Variants in PCDHGA5 observed in about 807,000 individuals in gnomAD.
The protein encoded by PCDHGA5 is protocadherin gamma subfamily A, 5.
In PCDHGA5, 36 loss-of-function variants were observed where a neutral mutation model predicts 56.7. The observed-to-expected ratio is 0.64, with a 90% confidence interval of 0.49 to 0.84. The LOEUF (loss-of-function observed/expected upper bound fraction) is 0.84, where lower values mean the gene tolerates loss of function less well. Among genes scored for constraint, PCDHGA5 ranks in the 40% least tolerant of loss-of-function variants. The pLI is 0.00. For synonymous variants in PCDHGA5, 563 were observed against 520.2 expected (o/e 1.08, Z -1.12); for missense variants, 1,305 against 1,201.5 (o/e 1.09, Z -1.27).
intron 1 of PCDHGA5, chr5:141,478,899 T>A (rs905349011): frequency 9.7e-7 from 1 of 1,027,124 alleles, no homozygotes; most frequent in African/African-American, 1.6e-5. Context: ...ACATTAGGAA[T>A]AAGCTGCTGG....
rs1264878386 is a variant in PCDHGA5 at position 141,366,663 on chromosome 5, C to T, written c.2333C>T (p.Thr778Met). ...TTTCCCCAGCCCAACTACGCAGACA[C>T]GCTCCTTAGTGAAGAGAGCTGTGAG... ...LIFPQPNYADTLLSEESCEKS... is the reference protein window; with the variant it reads ...LIFPQPNYADMLLSEESCEKS... Residue 778 changes from threonine to methionine, a missense_variant, in exon 1 of 4, where the codon ACG (threonine) becomes ATG (methionine). Coordinates refer to ENST00000518069, the MANE Select transcript of PCDHGA5 (RefSeq NM_018918.3). The T allele has an allele frequency of 1.9e-6, 3 of 1,614,242 alleles. No individual in the cohort carries two copies. Among genetic ancestry groups the T allele is most frequent in the Non-Finnish European group, 2.5e-6 (3 of 1,180,042 alleles).
At chr5:141,504,511 CTCTGATAT>C (rs2099838890) in intron 2 of PCDHGA5, among the ~76,000 whole-genome samples, 1 of 151,902 alleles carries the variant, frequency 6.6e-6, no homozygotes, top group Non-Finnish European at 1.5e-5. Flanking sequence ...AGTGGATCTC[CTCTGATAT>C]ATTTTATTCG....
Position 141,432,503 on chromosome 5 carries a change from G to A in PCDHGA5, c.2422-62304G>A, listed in dbSNP as rs939325676. On this transcript the variant is annotated intron_variant, in intron 1 of 3. Transcript: ENST00000518069. This position sits in a 1 kb window ranked among gnomAD's most constrained non-coding sequence, Gnocchi z 6.0. ...TGGCGTGGAGCTGGCTCCCCGCTCC[G>A]CAGAGCCCGGCTACCTGGTGACCAA... 5 of 1,613,988 alleles carry A rather than the reference G, an allele frequency of 3.1e-6. No individual in the cohort carries two copies. Among genetic ancestry groups the A allele is most frequent in the Non-Finnish European group, 2.5e-6 (3 of 1,180,038 alleles).
chr5:141,428,176 A>G (rs751446929), intron 1 of PCDHGA5: 21 of 1,507,402 alleles, frequency 1.4e-5, no homozygotes, highest in Non-Finnish European at 1.9e-5. Context: ...TGCGTGACGG[A>G]GGACAGCCGC....
rs1053018756 is a variant in PCDHGA5, at chr5:141,497,630, G to T, written c.2480+2765G>T. ...TCTTGGCTCACTGCAACCTCTGCCT[G>T]CCAGGTTCAAGCGATTCTCCTGCCT... is the stretch of plus-strand genomic sequence containing the variant. On this transcript the variant is annotated intron_variant, in intron 2 of 3. Coordinates refer to ENST00000518069, the MANE Select transcript of PCDHGA5 (RefSeq NM_018918.3). 3.3e-5 allele frequency among the ~76,000 whole-genome samples: 5 copies of T among 150,256 alleles called. No homozygotes were observed. The Admixed American group carries it at 3.3e-4, about 10-fold the overall frequency.
chr5:141,393,073 C>T, intron 1 of PCDHGA5: 1 of 1,613,658 alleles, frequency 6.2e-7, no homozygotes. Context: ...TTGATCACCG[C>T]GGGCAGGATA....
intron 1 of PCDHGA5, among the ~76,000 whole-genome samples, chr5:141,458,339 T>A (rs1380637284): frequency 2.0e-5 from 3 of 150,846 alleles, no homozygotes; most frequent in Non-Finnish European, 3.0e-5. Context: ...TTTTAAGGAG[T>A]GGAGAGTTTA....
rs374200575 is a variant in PCDHGA5, at chr5:141,432,105, C to T, written c.2422-62702C>T. On this transcript the variant is annotated intron_variant, in intron 1 of 3. Transcript: ENST00000518069. The surrounding 1 kb of genome is among the most constrained non-coding windows in gnomAD (Gnocchi z 6.0). ...AACGTGGCAGACACCAACGACAACC[C>T]GCCGGTCTTCCCTCAGGCCTCCTAT... 1.9e-6 allele frequency: 3 copies of T among 1,614,172 alleles called. No homozygotes were observed. Among genetic ancestry groups the T allele is most frequent in the Admixed American group, 3.3e-5 (2 of 60,032 alleles).
chr5:141,397,172 G>C (rs1407642752), intron 1 of PCDHGA5, among the ~76,000 whole-genome samples: 3 of 152,128 alleles, frequency 2.0e-5, no homozygotes, highest in Non-Finnish European at 2.9e-5. Flanking sequence ...TAACTCTTAA[G>C]AATGAATTTA....
chr5:141,439,333 G>A (rs964224344), intron 1 of PCDHGA5, among the ~76,000 whole-genome samples: 1 of 152,154 alleles, frequency 6.6e-6, no homozygotes, highest in Non-Finnish European at 1.5e-5. Flanking sequence ...TGGAAAGAAA[G>A]ATTCTAAGCC....
chr5:141,439,012 A>G (rs968054607), intron 1 of PCDHGA5, among the ~76,000 whole-genome samples: 4 of 151,916 alleles, frequency 2.6e-5, no homozygotes, highest in South Asian at 2.1e-4. Context: ...TTTGTTTGTC[A>G]AATTTTGAAA....
At chr5:141,418,147 C>A (rs781655205) in intron 1 of PCDHGA5, 3 of 1,614,040 alleles carry the variant, frequency 1.9e-6, no homozygotes, top group Non-Finnish European at 2.5e-6. Flanking sequence ...AGCAAATATG[C>A]AAAGAGAGAA....
intron 1 of PCDHGA5, among the ~76,000 whole-genome samples, chr5:141,380,809 T>G (rs1475702152): frequency 6.6e-6 from 1 of 152,192 alleles, no homozygotes; most frequent in Non-Finnish European, 1.5e-5. Flanking sequence ...AAATGTGAGA[T>G]GAAACTATGA....
At chr5:141,472,617 A>G (rs1024856184) in intron 1 of PCDHGA5, among the ~76,000 whole-genome samples, 3 of 152,138 alleles carry the variant, frequency 2.0e-5, no homozygotes, top group African/African-American at 7.2e-5. Flanking sequence ...CAAAGAAGAA[A>G]AAAGATAAAG....
intron 1 of PCDHGA5, among the ~76,000 whole-genome samples, chr5:141,482,530 C>CGAAAAAAA (rs2099566141): frequency 1.3e-5 from 1 of 76,562 alleles, no homozygotes; most frequent in African/African-American, 4.8e-5. Context: ...GACAGACATG[C>CGAAAAAAA]AAAAAAAAAA....
chr5:141,403,169 C>T, intron 1 of PCDHGA5: 13 of 1,614,016 alleles, frequency 8.1e-6, no homozygotes, highest in Non-Finnish European at 1.1e-5. Flanking sequence ...AGGTAGGACG[C>T]AGCTTTTCTC....
At position 141,489,084 on chromosome 5, in the gene PCDHGA5, C is replaced by CCGG; in HGVS notation, c.2422-5723_2422-5722insCGG. ...CTCCCCCCTGCCCACCCCCGCCACT[C>CCGG]GGTGACTAAGAACTGCTGCAAGCAG... On this transcript the variant is annotated intron_variant, in intron 1 of 3. Coordinates refer to ENST00000518069, the MANE Select transcript of PCDHGA5 (RefSeq NM_018918.3). This position sits in a 1 kb window ranked among gnomAD's most constrained non-coding sequence, Gnocchi z 4.5. The CCGG allele has an allele frequency of 3.0e-6, 1 of 329,134 alleles. No homozygotes were observed. The highest frequency in any genetic ancestry group is 2.5e-5 in the African/African-American group (1 of 40,384). 20.4% of individuals were successfully genotyped at this position (329,134 alleles called of 1,614,324 possible). A position where few individuals can be genotyped will look rare whatever the true frequency, so the allele number is the denominator to read the frequency against.
At chr5:141,400,440 A>G (rs1351638844) in intron 1 of PCDHGA5, 2 of 1,614,094 alleles carry the variant, frequency 1.2e-6, no homozygotes, top group Non-Finnish European at 1.7e-6. Context: ...AATTGAGTTC[A>G]GGACAAGACA....
intron 1 of PCDHGA5, chr5:141,391,466 C>T (rs375470029): frequency 2.6e-5 from 4 of 152,276 alleles, no homozygotes; most frequent in East Asian, 3.9e-4. Context: ...CTCATGCCAC[C>T]AGACCTGGCT....
Sources: allele counts gnomAD v4.1 joint callset (sites outside exome capture counted in the v4.1 genomes callset), GRCh38; gene constraint gnomAD v4.1.1; non-coding constraint Gnocchi (gnomAD v3.1); transcripts MANE v1.5; gene names NCBI Gene and HGNC (gene_info 2026-07-23, HGNC 2026-07-21).